SNRNP48: variants seen among roughly 807,000 people sequenced by gnomAD.
SNRNP48 encodes small nuclear ribonucleoprotein U11/U12 subunit 48.
A neutral mutation model predicts 47.0 loss-of-function variants in SNRNP48; 43 were observed. The observed-to-expected ratio is 0.92, with a 90% CI of 0.72 to 1.18. SNRNP48 has a LOEUF of 1.18. Among genes scored for constraint, SNRNP48 ranks in the 50% most tolerant of loss-of-function variants. The pLI, the probability that SNRNP48 is intolerant of heterozygous loss-of-function variation, is 0.00. For missense variants in SNRNP48, 396 were observed against 422.2 expected (o/e 0.94, Z 0.54); for synonymous variants, 138 against 144.0 (o/e 0.96, Z 0.30).
At chr6:7,596,545 A>G (rs1018936135) in intron 4 of SNRNP48, among the ~76,000 whole-genome samples, 64 of 152,306 alleles carry the variant, frequency 4.2e-4, no homozygotes, top group African/African-American at 1.4e-3. Flanking sequence ...CAGTATCTGG[A>G]CTTGATTTCT....
At position 7,600,293 on chromosome 6, in the gene SNRNP48, T is replaced by C. The variant is rs1403685004; in HGVS notation, c.407-1043T>C. On this transcript the variant is annotated intron_variant, in intron 4 of 8. Coordinates refer to ENST00000342415, the MANE Select transcript of SNRNP48 (RefSeq NM_152551.4). ...TAATGCTTAGTTCATAGTATGCTCT[T>C]ATTTGAATTCTTTTTGCCTCTACCT... The C allele has an allele frequency of 1.0e-5, 8 of 782,658 alleles. No individual in the cohort carries two copies. The African/African-American group carries it at 1.1e-4, about 11-fold the overall frequency. The allele number at this position is 782,658 out of a possible 1,614,324, so 48.5% of individuals were successfully genotyped here. A position where few individuals can be genotyped will look rare whatever the true frequency, so the allele number is the denominator to read the frequency against.
intron 1 of SNRNP48, among the ~76,000 whole-genome samples, chr6:7,593,217 G>A (rs148728399): frequency 4.6e-5 from 7 of 151,954 alleles, no homozygotes; most frequent in East Asian, 1.9e-4. Flanking sequence ...TCTAAAGGGG[G>A]ACAAATAGAG....
chr6:7,590,845 G>A (rs1759803961), intron 1 of SNRNP48, among the ~76,000 whole-genome samples: 1 of 152,296 alleles, frequency 6.6e-6, no homozygotes, highest in African/African-American at 2.4e-5. Context: ...GGGTGTGGTG[G>A]TGTGAGCCTG....
rs1369953625 is a variant in SNRNP48, at chr6:7,609,936, A to G, written c.*1063A>G. ...AATCAATTCCTCTACCCCTAGCCCT[A>G]GGCAGCCACAGATTTGCTTTTGGTT... On this transcript the variant is annotated 3_prime_UTR_variant, in exon 9 of 9. Coordinates refer to ENST00000342415, the MANE Select transcript of SNRNP48 (RefSeq NM_152551.4). 1 of 151,898 alleles carries G rather than the reference A, an allele frequency of 6.6e-6. No homozygotes were observed. The highest frequency in any genetic ancestry group is 1.5e-5 in the Non-Finnish European group (1 of 68,010). 9.4% of individuals were successfully genotyped at this position (151,898 alleles called of 1,614,324 possible). A position where few individuals can be genotyped will look rare whatever the true frequency, so the allele number is the denominator to read the frequency against.
At chr6:7,606,338 A>C in intron 8 of SNRNP48, 143 bp downstream of exon 8, 2 of 825,652 alleles carry the variant, frequency 2.4e-6, no homozygotes, top group Non-Finnish European at 3.7e-6. Flanking sequence ...GATGATTCTT[A>C]ACATTCATTA....
intron 8 of SNRNP48, among the ~76,000 whole-genome samples, chr6:7,608,193 C>T (rs1309960184): frequency 2.6e-5 from 4 of 151,422 alleles, no homozygotes; most frequent in Admixed American, 2.6e-4. Flanking sequence ...TAAACCAGAA[C>T]AAGTAAAACA....
At chr6:7,598,346 T>C (rs941063966) in intron 4 of SNRNP48, among the ~76,000 whole-genome samples, 3 of 151,750 alleles carry the variant, frequency 2.0e-5, no homozygotes, top group African/African-American at 7.3e-5. Context: ...AATACAAAAA[T>C]TAGCCAGGCG....
chr6:7,592,893 GTGAT>G (rs1759843144), intron 1 of SNRNP48, among the ~76,000 whole-genome samples: 1 of 152,190 alleles, frequency 6.6e-6, no homozygotes, highest in African/African-American at 2.4e-5. Context: ...GCAGGACTAG[GTGAT>G]TGATTGGACG....
chr6:7,594,263 G>A (rs780092426), intron 3 of SNRNP48, 104 bp downstream of exon 3: 29 of 526,376 alleles, frequency 5.5e-5, no homozygotes, highest in Non-Finnish European at 7.2e-5. Flanking sequence ...CTTATGACAA[G>A]GACATTTAGT....
chr6:7,593,767 C>G lies in SNRNP48; in HGVS notation c.190C>G (p.His64Asp), dbSNP rs1242164887. 3 of 1,600,140 alleles carry G rather than the reference C, an allele frequency of 1.9e-6. No individual in the cohort carries two copies. The East Asian group carries it at 6.7e-5, about 36-fold the overall frequency. Residue 64 changes from histidine to aspartate, a missense_variant, in exon 2 of 9, where the codon CAT becomes GAT. Transcript: ENST00000342415. ...TGTGATATGTCCATACGATTCCAAT[C>G]ATCACATGCCTAAATCATCTTTGGC... The part of the protein sequence containing the change: ...EVVICPYDSN[H>D]HMPKSSLAKH...
At chr6:7,605,549 T>C in intron 7 of SNRNP48, 63 bp downstream of exon 7, 5 of 1,455,280 alleles carry the variant, frequency 3.4e-6, no homozygotes, top group South Asian at 2.3e-5. Context: ...AATTAACTTA[T>C]AATTGTTAAA....
chr6:7,602,638 G>C lies in SNRNP48; in HGVS notation c.611G>C (p.Ser204Thr). Residue 204 changes from serine (S) to threonine (T), a missense_variant, in exon 6 of 9, where the codon AGT becomes ACT. Coordinates refer to ENST00000342415, the MANE Select transcript of SNRNP48 (RefSeq NM_152551.4). ...AKINQDNSRK[S>T]PKSYLEILAE... Reference sequence around the variant, plus strand: ...CTTTCATTAGACAATAGTCGAAAAAGTCCAAAATCCTACCTTGAAATCCTG... The same window carrying C: ...CTTTCATTAGACAATAGTCGAAAAACTCCAAAATCCTACCTTGAAATCCTG... 1 of 1,596,928 alleles carries C rather than the reference G, an allele frequency of 6.3e-7. No homozygotes were observed. The highest frequency in any genetic ancestry group is 8.5e-7 in the Non-Finnish European group (1 of 1,173,696).
intron 8 of SNRNP48, among the ~76,000 whole-genome samples, chr6:7,607,194 T>A (rs1760144203): frequency 1.3e-5 from 2 of 152,216 alleles, no homozygotes; most frequent in South Asian, 4.1e-4. Flanking sequence ...GGTGCATACC[T>A]GTGGTCCTAG....
chr6:7,592,532 C>G (rs1759836112), intron 1 of SNRNP48, among the ~76,000 whole-genome samples: 1 of 152,018 alleles, frequency 6.6e-6, no homozygotes, highest in Non-Finnish European at 1.5e-5. Flanking sequence ...TGTGTATAAA[C>G]TTTGGTATAC....
chr6:7,602,196 C>T lies in SNRNP48; in HGVS notation c.596-427C>T, dbSNP rs147779697. Among the ~76,000 whole-genome samples, 34 of 152,204 alleles carry T rather than the reference C, an allele frequency of 2.2e-4. No homozygotes were observed. The East Asian group carries it at 5.6e-3, about 25-fold the overall frequency. On this transcript the variant is annotated intron_variant, in intron 5 of 8. Transcript: ENST00000342415. Reference sequence around the variant, plus strand: ...TAATTTAGAGATGACTTCAAGTGTACTGGAGGGTGTGTGTAGGTTATATAC... The same window carrying T: ...TAATTTAGAGATGACTTCAAGTGTATTGGAGGGTGTGTGTAGGTTATATAC...
chr6:7,597,486 GT>G (rs1277270658), intron 4 of SNRNP48, among the ~76,000 whole-genome samples: 6 of 152,142 alleles, frequency 3.9e-5, no homozygotes, highest in African/African-American at 1.4e-4. Context: ...TGATAACTGA[GT>G]TTTTGTTTCC....
At position 7,602,815 on chromosome 6, in the gene SNRNP48, C is replaced by T. The variant is rs1213792702; in HGVS notation, c.717+71C>T. 27 of 1,418,782 alleles carry T rather than the reference C, an allele frequency of 1.9e-5. No individual in the cohort carries two copies. In the Admixed American group the frequency reaches 6.3e-4, roughly 33 times the overall value. The allele number at this position is 1,418,782 out of a possible 1,614,324, so 87.9% of individuals were successfully genotyped here. Reference sequence around the variant, plus strand: ...TTTTCTAAATCTGTTCTATGAATTTCCACAATTCTTTGGAAATTTTCTGAA... The same window carrying T: ...TTTTCTAAATCTGTTCTATGAATTTTCACAATTCTTTGGAAATTTTCTGAA... On this transcript the variant is annotated intron_variant, in intron 6 of 8. Transcript: ENST00000342415.
In SNRNP48 at chr6:7,590,350, G is replaced by T; in HGVS notation, c.93G>T (p.Glu31Asp). Residue 31 changes from glutamate (E) to aspartate (D), a missense_variant, in exon 1 of 9, where the codon GAG becomes GAT. Physicochemically the swap from Glu to Asp is conservative, Grantham distance 45. Transcript: ENST00000342415. ...FVESGCRTLE[E>D]VTASLGWDLD... is the part of the protein sequence containing the mutation. ...AGAGCGGCTGCCGGACGTTGGAGGA[G>T]GTGACCGCGTCCCTGGGCTGGGACC... is the stretch of plus-strand genomic sequence containing the variant. 1.4e-6 allele frequency: 2 copies of T among 1,394,228 alleles called. No homozygotes were observed. Among genetic ancestry groups the T allele is most frequent in the Non-Finnish European group, 1.9e-6 (2 of 1,061,320 alleles). The allele number at this position is 1,394,228 out of a possible 1,614,324, so 86.4% of individuals were successfully genotyped here. A position where few individuals can be genotyped will look rare whatever the true frequency, so the allele number is the denominator to read the frequency against.
chr6:7,593,352 C>G (rs1038784304), intron 1 of SNRNP48, among the ~76,000 whole-genome samples: 1 of 151,966 alleles, frequency 6.6e-6, no homozygotes, highest in Non-Finnish European at 1.5e-5. Context: ...TCCAAGAGTT[C>G]AGATAAAACA....
Sources: gnomAD v4.1 joint callset for allele counts (sites outside exome capture counted in the v4.1 genomes callset) on GRCh38, gnomAD v4.1.1 for gene constraint, MANE v1.5 for transcripts, NCBI Gene and HGNC (gene_info 2026-07-23, HGNC 2026-07-21) for gene names.